BLOC1S5: variants seen among roughly 807,000 people sequenced by gnomAD.
BLOC1S5 encodes biogenesis of lysosome-related organelles complex 1 subunit 5.
Under a neutral mutation model 24.3 loss-of-function variants are expected in BLOC1S5, and 27 were observed. That is an observed-to-expected ratio of 1.11 (90% CI 0.82 to 1.53). BLOC1S5 has a LOEUF of 1.53. BLOC1S5 is among the 40% of genes most tolerant of loss of function. The pLI is 0.00. For missense variants in BLOC1S5, 239 were observed against 229.4 expected, an observed-to-expected ratio of 1.04 and a Z score of -0.27; for synonymous variants, 84 against 74.5, an observed-to-expected ratio of 1.13 and a Z score of -0.66.
chr6:8,063,473 C>A (rs1352850827), intron 1 of BLOC1S5, among the ~76,000 whole-genome samples: 11 of 152,198 alleles, frequency 7.2e-5, no homozygotes, highest in Non-Finnish European at 1.3e-4. Context: ...TATTCATATT[C>A]ATTCACTGGC....
intron 3 of BLOC1S5, among the ~76,000 whole-genome samples, chr6:8,031,406 G>A (rs1763291933): frequency 6.6e-6 from 1 of 151,812 alleles, no homozygotes; most frequent in Admixed American, 6.6e-5. Flanking sequence ...AAAATACTTG[G>A]GCCTAACCAA....
chr6:8,025,144 G>C (rs1179911272), intron 4 of BLOC1S5, among the ~76,000 whole-genome samples: 2 of 152,210 alleles, frequency 1.3e-5, no homozygotes, highest in Non-Finnish European at 1.5e-5. Context: ...TCTTAGTAAT[G>C]ATCATAGTTC....
At chr6:8,062,415 T>G in intron 2 of BLOC1S5, 119 bp downstream of exon 2, 1 of 647,360 alleles carries the variant, frequency 1.5e-6, no homozygotes. Context: ...ATTTTTACTT[T>G]GTATATTTTA....
At chr6:8,031,604 A>G (rs1763301052) in intron 3 of BLOC1S5, among the ~76,000 whole-genome samples, 1 of 144,678 alleles carries the variant, frequency 6.9e-6, no homozygotes, top group Admixed American at 6.8e-5. Flanking sequence ...TATTCACAGC[A>G]CTAGAAAAAA....
At chr6:8,056,819 A>C (rs1315549089) in intron 2 of BLOC1S5, among the ~76,000 whole-genome samples, 1 of 152,222 alleles carries the variant, frequency 6.6e-6, no homozygotes, top group Non-Finnish European at 1.5e-5. Flanking sequence ...TAAGAGAACT[A>C]CTTATTTAAA....
At position 8,041,202 on chromosome 6, in the gene BLOC1S5, C is replaced by T; in HGVS notation, c.262G>A (p.Glu88Lys). The T allele has an allele frequency of 6.2e-7, 1 of 1,611,456 alleles. No individual in the cohort carries two copies. The highest frequency in any genetic ancestry group is 8.5e-7 in the Non-Finnish European group (1 of 1,178,694). Reference sequence around the variant, plus strand: ...TCTCTACATTTGGGAAGAGTATGTTCATTTGTTTCATGGATCATGTTCTTC... The same window carrying T: ...TCTCTACATTTGGGAAGAGTATGTTTATTTGTTTCATGGATCATGTTCTTC... Reference protein sequence around the residue: ...NLKNMIHETNEHTLPKCRDTM... With the variant: ...NLKNMIHETNKHTLPKCRDTM... Residue 88 changes from glutamate to lysine, a missense_variant, in exon 3 of 5, where the codon GAA (glutamate) becomes AAA (lysine). By Grantham distance (56) the Glu-to-Lys change is moderately conservative. Transcript: ENST00000397457.
At chr6:8,022,424 T>C (rs1762943850) in intron 4 of BLOC1S5, among the ~76,000 whole-genome samples, 1 of 151,776 alleles carries the variant, frequency 6.6e-6, no homozygotes, top group South Asian at 2.1e-4. Context: ...CTGCCAGTAA[T>C]ATGCATGCCA....
At chr6:8,049,282 A>G (rs1207876096) in intron 2 of BLOC1S5, among the ~76,000 whole-genome samples, 2 of 151,996 alleles carry the variant, frequency 1.3e-5, no homozygotes, top group African/African-American at 4.8e-5. Flanking sequence ...GAGGCAGGAG[A>G]ATCGCTTGAA....
At position 8,013,969 on chromosome 6, in the gene BLOC1S5, C is replaced by G. The variant is rs938740697; in HGVS notation, c.*1680G>C. ...GAAGTTCAGTGTTATTGAAAAAAAT[C>G]TCAAATACTTATTTCATCTCCTCTA... is the stretch of plus-strand genomic sequence containing the variant. On this transcript the variant is annotated 3_prime_UTR_variant, in exon 5 of 5. Coordinates refer to ENST00000397457, the MANE Select transcript of BLOC1S5 (RefSeq NM_201280.3). The G allele has an allele frequency of 6.6e-6, 1 of 152,106 alleles. No homozygotes were observed. Among genetic ancestry groups the G allele is most frequent in the Non-Finnish European group, 1.5e-5 (1 of 68,030 alleles). The allele number at this position is 152,106 out of a possible 1,614,324, so 9.4% of individuals were successfully genotyped here. A position where few individuals can be genotyped will look rare whatever the true frequency, so the allele number is the denominator to read the frequency against.
Position 8,062,548 on chromosome 6 carries a change from C to A in BLOC1S5, c.181G>T (p.Val61Leu). The A allele has an allele frequency of 1.9e-6, 3 of 1,587,990 alleles. No individual in the cohort carries two copies. Among genetic ancestry groups the A allele is most frequent in the Admixed American group, 1.7e-5 (1 of 57,434 alleles). The part of the protein sequence containing the change: ...PVIQGETRYF[V>L]KEFEEKRGLR... The stretch of plus-strand genomic sequence containing the variant: ...TAAATACTCACTTCAAATTCTTTTA[C>A]AAAATAACGAGTTTCACCTTGAATA... The change falls in exon 2 of 5, where the codon GTA (valine) becomes TTA (leucine). Residue 61 changes from valine to leucine, a missense_variant. Coordinates refer to ENST00000397457, the MANE Select transcript of BLOC1S5 (RefSeq NM_201280.3).
intron 4 of BLOC1S5, among the ~76,000 whole-genome samples, chr6:8,018,983 T>A (rs2113510322): frequency 6.6e-6 from 1 of 152,392 alleles, no homozygotes; most frequent in Admixed American, 6.5e-5. Context: ...AGAACAGTCT[T>A]TAAGACGCTG....
intron 2 of BLOC1S5, among the ~76,000 whole-genome samples, chr6:8,057,500 T>C (rs1031050909): frequency 1.3e-5 from 2 of 152,240 alleles, no homozygotes; most frequent in Non-Finnish European, 2.9e-5. Flanking sequence ...TGTAATCTGA[T>C]AGCATTAGAG....
chr6:8,037,131 A>T (rs1763515520), intron 3 of BLOC1S5, among the ~76,000 whole-genome samples: 1 of 152,224 alleles, frequency 6.6e-6, no homozygotes, highest in Non-Finnish European at 1.5e-5. Context: ...AAGTACTGCC[A>T]GGGCAATTAG....
intron 2 of BLOC1S5, among the ~76,000 whole-genome samples, chr6:8,057,571 C>A (rs975349746): frequency 5.9e-5 from 9 of 152,154 alleles, no homozygotes; most frequent in Admixed American, 4.6e-4. Flanking sequence ...TAAAACCATA[C>A]GGTGTCTACA....
At position 8,014,755 on chromosome 6, in the gene BLOC1S5, T is replaced by C. The variant is rs1762680607; in HGVS notation, c.*894A>G. 6.6e-6 allele frequency: 1 copy of C among 152,250 alleles called. No homozygotes were observed. Among genetic ancestry groups the C allele is most frequent in the Non-Finnish European group, 1.5e-5 (1 of 68,048 alleles). 9.4% of individuals were successfully genotyped at this position (152,250 alleles called of 1,614,324 possible). A position where few individuals can be genotyped will look rare whatever the true frequency, so the allele number is the denominator to read the frequency against. ...GGTTCATTCAAAGCCAGGAACTTTA[T>C]ATGGTTCCAGAGGGACTCTCTGGCA... On this transcript the variant is annotated 3_prime_UTR_variant, in exon 5 of 5. Coordinates refer to ENST00000397457, the MANE Select transcript of BLOC1S5 (RefSeq NM_201280.3).
In BLOC1S5 at chr6:8,015,706, C is replaced by T; in HGVS notation, c.507G>A (p.Arg169=). 1.2e-6 allele frequency: 2 copies of T among 1,614,102 alleles called. No homozygotes were observed. The highest frequency in any genetic ancestry group is 1.7e-5 in the Admixed American group (1 of 60,018). The part of the protein sequence containing the change: ...VDEEHRKAME[R]LKEQYAEMEK... ...CCATCTCAGCATATTGTTCTTTAAG[C>T]CTTTCCATGGCTTTTCTGTGCTCTT... The change falls in exon 5 of 5, where the codon AGG becomes AGA. Residue 169 remains arginine, a synonymous_variant. Transcript: ENST00000397457.
At chr6:8,018,103 T>C (rs556081629) in intron 4 of BLOC1S5, 2 of 152,350 alleles carry the variant, frequency 1.3e-5, no homozygotes, top group South Asian at 2.1e-4. Flanking sequence ...TGAACAGATA[T>C]TACAGTGGTA....
intron 2 of BLOC1S5, among the ~76,000 whole-genome samples, chr6:8,049,149 T>C (rs1764017940): frequency 1.3e-5 from 2 of 151,280 alleles, no homozygotes; most frequent in African/African-American, 4.9e-5. Flanking sequence ...GATGGGCAGA[T>C]CACATGAGGT....
At chr6:8,037,673 G>C (rs1581412396) in intron 3 of BLOC1S5, among the ~76,000 whole-genome samples, 1 of 152,014 alleles carries the variant, frequency 6.6e-6, no homozygotes, top group Non-Finnish European at 1.5e-5. Flanking sequence ...AAGCAATTTT[G>C]AGCAAAAAGA....
Sources: gnomAD v4.1 joint callset for allele counts (sites outside exome capture counted in the v4.1 genomes callset) on GRCh38, gnomAD v4.1.1 for gene constraint, MANE v1.5 for transcripts, NCBI Gene and HGNC (gene_info 2026-07-23, HGNC 2026-07-21) for gene names.